CCDC175: variants seen among roughly 807,000 people sequenced by gnomAD.
CCDC175 encodes coiled-coil domain-containing protein 175.
CCDC175 carries 100 observed loss-of-function variants against 114.6 expected under a neutral mutation model. The ratio of observed to expected loss-of-function variants is 0.87; its 90% CI spans 0.74 to 1.03. The LOEUF is 1.03. Ranked by LOEUF, CCDC175 falls within the 50% of genes least tolerant of loss-of-function variation. CCDC175 has a pLI of 0.00. For missense variants in CCDC175, 880 were observed against 917.8 expected (o/e 0.96, Z 0.53); for synonymous variants, 306 against 308.7 (o/e 0.99, Z 0.09).
At chr14:59,569,781 G>GA (rs1896747475) in intron 3 of CCDC175, among the ~76,000 whole-genome samples, 3 of 152,136 alleles carry the variant, frequency 2.0e-5, no homozygotes, top group Non-Finnish European at 4.4e-5. Flanking sequence ...ACAGTAAATT[G>GA]AAAAGGGAAA....
intron 14 of CCDC175, among the ~76,000 whole-genome samples, chr14:59,528,181 T>C (rs72712763): frequency 9.9e-5 from 15 of 152,260 alleles, no homozygotes; most frequent in Non-Finnish European, 1.8e-4. Context: ...GTCTTATAAC[T>C]TCTACTATAA....
rs141624902 is a variant in CCDC175 at position 59,570,599 on chromosome 14, T to C, written c.355+2103A>G. Among the ~76,000 whole-genome samples, 26 of 152,296 alleles carry C rather than the reference T, an allele frequency of 1.7e-4. No homozygotes were observed. The East Asian group carries it at 4.6e-3, about 27-fold the overall frequency. ...GAGGAGGTTAAACTGTGATGAGCTT[T>C]GGAGCTATGATGATGCTCTGGAGTT... is the stretch of plus-strand genomic sequence containing the variant. On this transcript the variant is annotated intron_variant, in intron 3 of 19. Transcript: ENST00000537690.
intron 16 of CCDC175, 73 bp from the exon 17 acceptor site, chr14:59,521,749 C>T: frequency 1.2e-6 from 1 of 846,578 alleles, no homozygotes; most frequent in Non-Finnish European, 1.9e-6. Flanking sequence ...AGTCATTCAG[C>T]AAACATGTAT....
intron 14 of CCDC175, among the ~76,000 whole-genome samples, chr14:59,530,699 T>G (rs1391689698): frequency 2.0e-5 from 3 of 151,954 alleles, no homozygotes; most frequent in Non-Finnish European, 4.4e-5. Flanking sequence ...ATAATCACTA[T>G]TCACTTCTGA....
At chr14:59,522,963 G>A (rs1893508946) in intron 16 of CCDC175, among the ~76,000 whole-genome samples, 1 of 151,092 alleles carries the variant, frequency 6.6e-6, no homozygotes, top group South Asian at 2.1e-4. Flanking sequence ...CTCAGTGCAT[G>A]TTTAGAGTAA....
At chr14:59,528,156 A>G (rs144699468) in intron 14 of CCDC175, among the ~76,000 whole-genome samples, 81 of 152,084 alleles carry the variant, frequency 5.3e-4, no homozygotes, top group African/African-American at 1.9e-3. Flanking sequence ...TTTTCTCTCA[A>G]ATTTTGAAGG....
intron 9 of CCDC175, 33 bp from the exon 10 acceptor site, chr14:59,543,487 C>A: frequency 1.2e-6 from 1 of 852,288 alleles, no homozygotes; most frequent in Non-Finnish European, 1.7e-6. Flanking sequence ...TTGTTGAAGG[C>A]TGACATAAAT....
At chr14:59,513,524 G>A (rs541801450) in intron 17 of CCDC175, among the ~76,000 whole-genome samples, 78 of 152,264 alleles carry the variant, frequency 5.1e-4, no homozygotes, top group South Asian at 2.3e-3. Context: ...ATTATATCCC[G>A]TGCCTGGCTT....
At chr14:59,508,189 C>A (rs768478660) in intron 19 of CCDC175, among the ~76,000 whole-genome samples, 100 of 152,042 alleles carry the variant, frequency 6.6e-4, no homozygotes, top group Middle Eastern at 3.2e-3. Context: ...CACTTGTCCA[C>A]TAGAGGCAAG....
intron 7 of CCDC175, among the ~76,000 whole-genome samples, chr14:59,560,492 T>G (rs1217757904): frequency 6.6e-6 from 1 of 152,156 alleles, no homozygotes; most frequent in Non-Finnish European, 1.5e-5. Flanking sequence ...TTGACCAATC[T>G]TTAAAGATTG....
chr14:59,520,299 G>T (rs555985776), intron 17 of CCDC175, among the ~76,000 whole-genome samples: 5 of 152,138 alleles, frequency 3.3e-5, no homozygotes, highest in African/African-American at 4.8e-5. Context: ...AATTTAAAGC[G>T]TTTTCACCAT....
rs1566607414 is a variant in CCDC175 at position 59,531,862 on chromosome 14, G to A, written c.1672C>T (p.Leu558=). 7.6e-7 allele frequency: 1 copy of A among 1,324,378 alleles called. No individual in the cohort carries two copies. The highest frequency in any genetic ancestry group is 1.5e-5 in the African/African-American group (1 of 68,678). The allele number at this position is 1,324,378 out of a possible 1,614,324, so 82.0% of individuals were successfully genotyped here. ...TQINKEKEEE[L]VEYLPQLQVA... is the part of the protein sequence containing the mutation. ...TGAAGTTGTGGAAGATACTCAACTA[G>A]TTCTTCTTCCTTTTCTTTGTTAATT... Residue 558 remains leucine (L), a synonymous_variant, in exon 14 of 20, where the codon CTA becomes TTA. Transcript: ENST00000537690.
chr14:59,540,628 TAACAC>T (rs1420800996), intron 11 of CCDC175, 42 bp downstream of exon 11: 26 of 1,454,040 alleles, frequency 1.8e-5, no homozygotes, highest in Non-Finnish European at 2.3e-5. Flanking sequence ...ATACTGCTGA[TAACAC>T]AAAACACAAA....
intron 17 of CCDC175, among the ~76,000 whole-genome samples, chr14:59,517,519 A>C (rs1893167261): frequency 6.6e-6 from 1 of 152,214 alleles, no homozygotes; most frequent in Admixed American, 6.5e-5. Context: ...ATTCTTATAC[A>C]CCAATAACAG....
Position 59,565,089 on chromosome 14 carries a change from T to G in CCDC175, c.678A>C (p.Glu226Asp). Reference protein sequence around the residue: ...IQEAEELMEKERAEYLIRKQE... With the variant: ...IQEAEELMEKDRAEYLIRKQE... ...GTTTTCTTATTAGATATTCTGCCCT[T>G]TCTTTTTCCATTAGCTCCTCTGCCT... is the stretch of plus-strand genomic sequence containing the variant. The change falls in exon 5 of 20, where the codon GAA becomes GAC. Residue 226 changes from glutamate to aspartate, a missense_variant. Glu to Asp is a conservative substitution (Grantham distance 45). Coordinates refer to ENST00000537690, the MANE Select transcript of CCDC175 (RefSeq NM_001164399.2). 2.6e-6 allele frequency: 4 copies of G among 1,537,598 alleles called. No individual in the cohort carries two copies. Among genetic ancestry groups the G allele is most frequent in the Non-Finnish European group, 3.5e-6 (4 of 1,146,986 alleles).
chr14:59,524,524 G>A (rs182680112), intron 16 of CCDC175, among the ~76,000 whole-genome samples: 1 of 152,292 alleles, frequency 6.6e-6, no homozygotes, highest in Admixed American at 6.5e-5. Context: ...ACACAAATTA[G>A]TGGGGCACCA....
chr14:59,539,663 C>T (rs1004014510), intron 11 of CCDC175, among the ~76,000 whole-genome samples: 3 of 152,108 alleles, frequency 2.0e-5, no homozygotes, highest in Non-Finnish European at 2.9e-5. Context: ...CCTGTAATCC[C>T]AGCACTTTGG....
chr14:59,568,356 A>C lies in CCDC175; in HGVS notation c.380T>G (p.Leu127Ter), dbSNP rs1283320542. The change falls in exon 4 of 20, where the codon TTA (leucine) becomes TGA (stop). Residue 127 changes from leucine (L) to a stop codon, truncating the protein, a stop_gained. Transcript: ENST00000537690. LOFTEE classifies it high-confidence loss of function. The part of the protein sequence containing the change: ...LEECVRDARR[L>*]NLFEINTIKM... ...TATTGTATTTATCTCAAAAAGATTTAATCTGCGAGCGTCTCGGACACATTC... is the reference window on the plus strand; with the variant it reads ...TATTGTATTTATCTCAAAAAGATTTCATCTGCGAGCGTCTCGGACACATTC... The C allele has an allele frequency of 2.6e-6, 4 of 1,529,168 alleles. No individual in the cohort carries two copies. Among genetic ancestry groups the C allele is most frequent in the Non-Finnish European group, 3.5e-6 (4 of 1,144,436 alleles). 94.7% of individuals were successfully genotyped at this position (1,529,168 alleles called of 1,614,324 possible).
At chr14:59,554,457 T>C (rs1011359049) in intron 7 of CCDC175, among the ~76,000 whole-genome samples, 4 of 152,166 alleles carry the variant, frequency 2.6e-5, no homozygotes, top group African/African-American at 9.7e-5. Flanking sequence ...CTGGGACACA[T>C]TTAAAGCAGT....
Sources: gnomAD v4.1 joint callset for allele counts (sites outside exome capture counted in the v4.1 genomes callset) on GRCh38, gnomAD v4.1.1 for gene constraint, MANE v1.5 for transcripts, NCBI Gene and HGNC (gene_info 2026-07-23, HGNC 2026-07-21) for gene names.